Variants in BRDT observed in about 807,000 individuals in gnomAD.
BRDT encodes the protein bromodomain testis associated, also known as bromodomain testis-specific protein.
A neutral mutation model predicts 113.9 loss-of-function variants in BRDT; 77 were observed. The observed-to-expected ratio is 0.68, with a 90% CI of 0.56 to 0.82. The LOEUF is 0.82. Ranked by LOEUF, BRDT falls within the 40% of genes least tolerant of loss-of-function variation. BRDT has a pLI of 0.00. For missense variants in BRDT, 1,027 were observed against 1,105.4 expected (o/e 0.93, Z 1.01); for synonymous variants, 358 against 366.5 (o/e 0.98, Z 0.26).
chr1:91,984,827 TAGG>T (rs1685063399), intron 12 of BRDT, among the ~76,000 whole-genome samples: 1 of 152,096 alleles, frequency 6.6e-6, no homozygotes, highest in Non-Finnish European at 1.5e-5. Context: ...CAAAAATGTA[TAGG>T]GTTTCAACAT....
rs1684120773 is a variant in BRDT at position 91,976,182 on chromosome 1, C to CA, written c.446-84_446-83insA. On this transcript the variant is annotated intron_variant, in intron 4 of 18. Coordinates refer to ENST00000399546, the MANE Select transcript of BRDT (RefSeq NM_207189.4). Reference sequence around the variant, plus strand: ...ATGCTTATATTGCTAAAAAGCTGAACTAAATGAAATAGAAAATAAGACAGA... The same window carrying CA: ...ATGCTTATATTGCTAAAAAGCTGAACATAAATGAAATAGAAAATAAGACAGA... 3.0e-6 allele frequency: 4 copies of CA among 1,339,758 alleles called. No homozygotes were observed. The African/African-American group carries it at 4.5e-5, about 15-fold the overall frequency. The allele number at this position is 1,339,758 out of a possible 1,614,324, so 83.0% of individuals were successfully genotyped here.
At chr1:91,952,979 T>G (rs1168118088) in intron 1 of BRDT, among the ~76,000 whole-genome samples, 1 of 152,124 alleles carries the variant, frequency 6.6e-6, no homozygotes, top group African/African-American at 2.4e-5. Flanking sequence ...TACTTTAAGT[T>G]CTAGGGTACA....
Position 91,980,978 on chromosome 1 carries a change from A to G in BRDT, c.1550A>G (p.Gln517Arg), listed in dbSNP as rs1056274144. The change falls in exon 10 of 19, where the codon CAG becomes CGG. Residue 517 changes from glutamine (Q) to arginine (R), a missense_variant. Coordinates refer to ENST00000399546, the MANE Select transcript of BRDT (RefSeq NM_207189.4). ...CCTATGAACTATGATGAGAAAAGGC[A>G]GTTAAGTCTGAATATAAACAAACTC... ...AKPMNYDEKR[Q>R]LSLNINKLPG... 1.9e-6 allele frequency: 3 copies of G among 1,614,106 alleles called. No individual in the cohort carries two copies. Among genetic ancestry groups the G allele is most frequent in the Non-Finnish European group, 1.7e-6 (2 of 1,179,984 alleles).
intron 13 of BRDT, 31 bp downstream of exon 13, chr1:91,991,276 T>A (rs373311215): frequency 7.3e-4 from 982 of 1,351,534 alleles, no homozygotes; most frequent in Non-Finnish European, 9.7e-4. Context: ...TATCTGAATT[T>A]TAAAAGTATG....
chr1:91,983,856 AT>A (rs1277859061), intron 12 of BRDT, among the ~76,000 whole-genome samples: 1 of 151,806 alleles, frequency 6.6e-6, no homozygotes, highest in Non-Finnish European at 1.5e-5. Flanking sequence ...TCATTTTTGT[AT>A]TTTTAGTAGA....
At chr1:91,978,392 C>T (rs1684360397) in intron 7 of BRDT, 96 bp downstream of exon 7, 3 of 1,396,318 alleles carry the variant, frequency 2.1e-6, no homozygotes, top group African/African-American at 2.9e-5. Flanking sequence ...ATAATAACTC[C>T]TACACCTCTA....
At chr1:91,956,195 ATCTTTT>A (rs973507067) in intron 1 of BRDT, among the ~76,000 whole-genome samples, 5 of 152,052 alleles carry the variant, frequency 3.3e-5, no homozygotes, top group African/African-American at 1.2e-4. Flanking sequence ...GTTATGACCG[ATCTTTT>A]TCTTTTTTTC....
At chr1:92,005,411 C>T in intron 18 of BRDT, 112 bp downstream of exon 18, 1 of 987,122 alleles carries the variant, frequency 1.0e-6, no homozygotes. Flanking sequence ...TGACAGTGGA[C>T]TTACCTCTTT....
intron 8 of BRDT, 25 bp downstream of exon 8, chr1:91,979,782 T>A: frequency 6.3e-7 from 1 of 1,576,824 alleles, no homozygotes; most frequent in East Asian, 2.2e-5. Flanking sequence ...TGATACAAAT[T>A]TTGATAATCT....
intron 18 of BRDT, among the ~76,000 whole-genome samples, chr1:92,009,168 A>G (rs1000474143): frequency 6.6e-6 from 1 of 152,080 alleles, no homozygotes; most frequent in Non-Finnish European, 1.5e-5. Flanking sequence ...CTCTGCTTCT[A>G]TGGGTTCAAC....
intron 3 of BRDT, among the ~76,000 whole-genome samples, chr1:91,966,291 A>G (rs1683056940): frequency 6.6e-6 from 1 of 152,208 alleles, no homozygotes; most frequent in South Asian, 2.1e-4. Flanking sequence ...CGTTTATTCA[A>G]AATCACTGGT....
intron 8 of BRDT, among the ~76,000 whole-genome samples, chr1:91,980,249 A>C (rs1684583617): frequency 6.6e-6 from 1 of 152,144 alleles, no homozygotes; most frequent in Non-Finnish European, 1.5e-5. Context: ...TCTACAAAAA[A>C]ATCAAAAAAA....
intron 1 of BRDT, 28 bp from the exon 2 acceptor site, chr1:91,962,690 T>C: frequency 7.4e-7 from 1 of 1,352,040 alleles, no homozygotes; most frequent in Non-Finnish European, 1.0e-6. Context: ...CTAAAGTGCT[T>C]CTGAAGTACT....
At chr1:91,954,339 G>T (rs1305081319) in intron 1 of BRDT, among the ~76,000 whole-genome samples, 1 of 143,716 alleles carries the variant, frequency 7.0e-6, no homozygotes, top group Non-Finnish European at 1.5e-5. Flanking sequence ...GAGTGCATTG[G>T]TGCAATCATG....
At chr1:91,986,663 C>T (rs1243853937) in intron 12 of BRDT, among the ~76,000 whole-genome samples, 2 of 152,004 alleles carry the variant, frequency 1.3e-5, no homozygotes, top group Non-Finnish European at 2.9e-5. Context: ...AAAAAACTTT[C>T]TTAGTTATGG....
At chr1:92,003,743 G>T (rs1557864072) in intron 16 of BRDT, among the ~76,000 whole-genome samples, 1 of 152,020 alleles carries the variant, frequency 6.6e-6, no homozygotes. Flanking sequence ...GACTTAGTAT[G>T]AAAAAATACT....
intron 12 of BRDT, among the ~76,000 whole-genome samples, chr1:91,987,642 G>A (rs562920777): frequency 7.3e-6 from 1 of 136,728 alleles, no homozygotes; most frequent in East Asian, 2.1e-4. Context: ...CACTGCGCCC[G>A]GCCTTGTTTT....
chr1:91,975,379 T>C (rs1224737391), intron 4 of BRDT, among the ~76,000 whole-genome samples: 1 of 152,226 alleles, frequency 6.6e-6, no homozygotes, highest in Non-Finnish European at 1.5e-5. Flanking sequence ...CTTTGGTTTT[T>C]ACTTAGCGAG....
In BRDT at chr1:91,980,832, ATGATAGCT is replaced by A. The variant is rs779166372; in HGVS notation, c.1460+19_1460+26del. On this transcript the variant is annotated intron_variant, in intron 9 of 18. Transcript: ENST00000399546. ...CAAGAGAAAGTAAGTATCTTTTATT[ATGATAGCT>A]TATTAAGACAATAACGATAAGTTGG... 1.6e-5 allele frequency: 25 copies of A among 1,589,446 alleles called. No individual in the cohort carries two copies. The African/African-American group carries it at 2.9e-4, about 18-fold the overall frequency.
Sources: gnomAD v4.1 joint callset for allele counts (sites outside exome capture counted in the v4.1 genomes callset) on GRCh38, gnomAD v4.1.1 for gene constraint, MANE v1.5 for transcripts, NCBI Gene and HGNC (gene_info 2026-07-23, HGNC 2026-07-21) for gene names.